The following DOK5 variants were observed in gnomAD, a reference collection of about 807,000 sequenced individuals.
DOK5 encodes the protein downstream of tyrosine kinase 5.
A neutral mutation model predicts 43.3 loss-of-function variants in DOK5; 27 were observed. That is an observed-to-expected ratio of 0.62 (90% CI 0.46 to 0.86). The LOEUF (loss-of-function observed/expected upper bound fraction) is 0.86, where lower values mean the gene tolerates loss of function less well. Ranked by LOEUF, DOK5 falls within the 40% of genes least tolerant of loss-of-function variation. DOK5 has a pLI of 0.00. For synonymous variants in DOK5, 146 were observed against 140.1 expected (o/e 1.04, Z -0.30); for missense variants, 373 against 392.9 (o/e 0.95, Z 0.43).
chr20:54,537,560 T>C (rs914390741), intron 1 of DOK5, among the ~76,000 whole-genome samples: 2 of 152,170 alleles, frequency 1.3e-5, no homozygotes, highest in African/African-American at 4.8e-5. Context: ...TAATTGAAAT[T>C]GGATGGGCTC....
At chr20:54,530,484 C>T (rs1983732396) in intron 1 of DOK5, among the ~76,000 whole-genome samples, 1 of 152,170 alleles carries the variant, frequency 6.6e-6, no homozygotes, top group Admixed American at 6.5e-5. Context: ...TATCTCTTCT[C>T]TCTGAGGGCT....
Position 54,475,825 on chromosome 20 carries a change from A to G in DOK5, c.-122A>G, listed in dbSNP as rs1305670169. ...TCTAAAGCCTCGCCCAGCGCCGCCG[A>G]AGCAGCTTCACCTCTCCAACTTTCT... On this transcript the variant is annotated 5_prime_UTR_variant, in exon 1 of 8. Coordinates refer to ENST00000262593, the MANE Select transcript of DOK5 (RefSeq NM_018431.5). This position sits in a 1 kb window ranked among gnomAD's most constrained non-coding sequence, Gnocchi z 4.2. 2.5e-6 allele frequency: 3 copies of G among 1,213,024 alleles called. No individual in the cohort carries two copies. The highest frequency in any genetic ancestry group is 3.5e-6 in the Non-Finnish European group (3 of 847,342). 75.1% of individuals were successfully genotyped at this position (1,213,024 alleles called of 1,614,324 possible). A position where few individuals can be genotyped will look rare whatever the true frequency, so the allele number is the denominator to read the frequency against.
intron 7 of DOK5, among the ~76,000 whole-genome samples, chr20:54,646,248 GTTTTT>G (rs386394048): frequency 5.5e-4 from 44 of 79,932 alleles, no homozygotes; most frequent in African/African-American, 1.7e-3. Flanking sequence ...TGGTTATACT[GTTTTT>G]TTTTTTTTTT....
chr20:54,544,595 C>T (rs1157962774), intron 1 of DOK5, among the ~76,000 whole-genome samples: 1 of 152,156 alleles, frequency 6.6e-6, no homozygotes, highest in Non-Finnish European at 1.5e-5. Flanking sequence ...TTTAATTCAC[C>T]CAGAGCTGGC....
At chr20:54,488,514 T>A (rs1373903311) in intron 1 of DOK5, among the ~76,000 whole-genome samples, 1 of 152,206 alleles carries the variant, frequency 6.6e-6, no homozygotes, top group African/African-American at 2.4e-5. Context: ...ATTTCTCTTC[T>A]CTTTCTGTTT....
intron 6 of DOK5, among the ~76,000 whole-genome samples, chr20:54,629,617 G>A (rs2146814676): frequency 6.6e-6 from 1 of 152,324 alleles, no homozygotes; most frequent in East Asian, 1.9e-4. Flanking sequence ...CCAAGAAGCA[G>A]GAGTACAACA....
intron 6 of DOK5, among the ~76,000 whole-genome samples, chr20:54,640,709 T>G (rs768796485): frequency 2.0e-5 from 3 of 152,244 alleles, no homozygotes. Flanking sequence ...GCTGCCTAAA[T>G]ATATTTGCAG....
chr20:54,619,024 T>TATAC (rs1986901681), intron 6 of DOK5, among the ~76,000 whole-genome samples: 1 of 29,194 alleles, frequency 3.4e-5, no homozygotes. Context: ...TTCAATAAAT[T>TATAC]ATATATATAT....
chr20:54,605,941 C>T (rs1482655810), intron 5 of DOK5, among the ~76,000 whole-genome samples: 1 of 152,182 alleles, frequency 6.6e-6, no homozygotes, highest in African/African-American at 2.4e-5. Flanking sequence ...CATTTGTTTA[C>T]ATATAAAAAT....
chr20:54,604,230 G>A (rs903024782), intron 5 of DOK5, among the ~76,000 whole-genome samples: 3 of 151,622 alleles, frequency 2.0e-5, no homozygotes, highest in African/African-American at 7.3e-5. Flanking sequence ...ACAGGCATGA[G>A]CCACCGCGCC....
chr20:54,497,151 C>T lies in DOK5; in HGVS notation c.66+21139C>T, dbSNP rs529261694. 1.7e-3 allele frequency among the ~76,000 whole-genome samples: 266 copies of T among 152,236 alleles called. 1 individual carries two copies. Among genetic ancestry groups the T allele is most frequent in the African/African-American group, 6.1e-3 (253 of 41,540 alleles). On this transcript the variant is annotated intron_variant, in intron 1 of 7. Coordinates refer to ENST00000262593, the MANE Select transcript of DOK5 (RefSeq NM_018431.5). ...ATTAAATAAAATAGTTGCTGTAGAGCCTTTTCATAACCCATTAGCTACTTT... is the reference window on the plus strand; with the variant it reads ...ATTAAATAAAATAGTTGCTGTAGAGTCTTTTCATAACCCATTAGCTACTTT...
At chr20:54,538,145 A>G (rs897410997) in intron 1 of DOK5, among the ~76,000 whole-genome samples, 2 of 151,746 alleles carry the variant, frequency 1.3e-5, no homozygotes, top group Non-Finnish European at 2.9e-5. Flanking sequence ...CCACAACAAG[A>G]AGTTCTTGAG....
chr20:54,518,301 T>A (rs1600675897), intron 1 of DOK5, among the ~76,000 whole-genome samples: 1 of 140,938 alleles, frequency 7.1e-6, no homozygotes, highest in East Asian at 2.2e-4. Flanking sequence ...CAGGACCCAG[T>A]GTGTGATGTT....
intron 2 of DOK5, among the ~76,000 whole-genome samples, chr20:54,556,785 C>T (rs1600700276): frequency 6.6e-6 from 1 of 152,232 alleles, no homozygotes; most frequent in East Asian, 1.9e-4. Flanking sequence ...AGGCTCTGTA[C>T]TGTCTGGTCA....
At chr20:54,532,995 C>T (rs904193523) in intron 1 of DOK5, among the ~76,000 whole-genome samples, 13 of 152,230 alleles carry the variant, frequency 8.5e-5, no homozygotes, top group African/African-American at 1.7e-4. Flanking sequence ...TGGTTTCCAA[C>T]GTGACAAGTA....
intron 2 of DOK5, among the ~76,000 whole-genome samples, chr20:54,566,984 A>G (rs946427642): frequency 6.6e-5 from 10 of 152,016 alleles, no homozygotes; most frequent in African/African-American, 1.7e-4. Context: ...TATATCTTCT[A>G]TGAAATGTCT....
At chr20:54,490,102 C>T (rs954873963) in intron 1 of DOK5, among the ~76,000 whole-genome samples, 1 of 152,054 alleles carries the variant, frequency 6.6e-6, no homozygotes, top group Non-Finnish European at 1.5e-5. Flanking sequence ...AGGCTTTTTT[C>T]TTTTAAGAGT....
intron 5 of DOK5, 106 bp from the exon 6 acceptor site, chr20:54,610,282 T>C: frequency 8.5e-7 from 1 of 1,170,420 alleles, no homozygotes; most frequent in Non-Finnish European, 1.1e-6. Context: ...TGAACAAGAA[T>C]AAAAAATAAT....
chr20:54,586,658 G>A (rs1985812268), intron 2 of DOK5, among the ~76,000 whole-genome samples: 1 of 152,188 alleles, frequency 6.6e-6, no homozygotes, highest in African/African-American at 2.4e-5. Context: ...TCATTGGATG[G>A]TGTAGCCTTG....
Sources: gnomAD v4.1 joint callset for allele counts (sites outside exome capture counted in the v4.1 genomes callset) on GRCh38, gnomAD v4.1.1 for gene constraint, Gnocchi (gnomAD v3.1) non-coding constraint, MANE v1.5 for transcripts, NCBI Gene and HGNC (gene_info 2026-07-23, HGNC 2026-07-21) for gene names.